PRKN: variants seen among roughly 807,000 people sequenced by gnomAD.
PRKN encodes the protein E3 ubiquitin-protein ligase parkin.
PRKN carries 56 observed loss-of-function variants against 59.5 expected under a neutral mutation model. That is an observed-to-expected ratio of 0.94 (90% confidence interval 0.76 to 1.18). PRKN has a LOEUF of 1.18. Among genes scored for constraint, PRKN ranks in the 50% most tolerant of loss-of-function variants. PRKN has a pLI of 0.00. For missense variants in PRKN, 657 were observed against 596.4 expected (o/e 1.10, Z -1.06); for synonymous variants, 250 against 222.1 (o/e 1.13, Z -1.12).
intron 6 of PRKN, among the ~76,000 whole-genome samples, chr6:161,969,726 G>A (rs1780729362): frequency 6.6e-6 from 1 of 152,098 alleles, no homozygotes; most frequent in Non-Finnish European, 1.5e-5. Context: ...TATATTTACA[G>A]ATAAATTAAT....
chr6:161,899,854 G>A (rs748852721), intron 6 of PRKN, among the ~76,000 whole-genome samples: 21 of 152,254 alleles, frequency 1.4e-4, no homozygotes, highest in Middle Eastern at 3.4e-3. Flanking sequence ...CGGGCCAGGC[G>A]GCTCTTGCCT....
chr6:161,511,399 C>T (rs972919661), intron 9 of PRKN, among the ~76,000 whole-genome samples: 7 of 152,066 alleles, frequency 4.6e-5, no homozygotes, highest in Non-Finnish European at 1.0e-4. Context: ...GAATATAAAC[C>T]GCACGAGGCC....
chr6:161,594,205 C>T (rs943305602), intron 7 of PRKN, among the ~76,000 whole-genome samples: 2 of 151,994 alleles, frequency 1.3e-5, no homozygotes, highest in Non-Finnish European at 2.9e-5. Context: ...GACTTCATGC[C>T]AAATCTATTT....
In PRKN at chr6:161,676,320, A is replaced by G. The variant is rs12663139; in HGVS notation, c.872-106904T>C. 2.2e-4 allele frequency among the ~76,000 whole-genome samples: 33 copies of G among 152,330 alleles called. No individual in the cohort carries two copies. In the East Asian group the frequency reaches 6.4e-3, roughly 29 times the overall value. On this transcript the variant is annotated intron_variant, in intron 7 of 11. Transcript: ENST00000366898. Reference sequence around the variant, plus strand: ...TTTGCATAATCTGATCTGGAGTTCAATAGATCAATGATTCAAGGTAAAGAA... The same window carrying G: ...TTTGCATAATCTGATCTGGAGTTCAGTAGATCAATGATTCAAGGTAAAGAA...
At chr6:162,237,410 T>C (rs1778784262) in intron 3 of PRKN, among the ~76,000 whole-genome samples, 1 of 152,184 alleles carries the variant, frequency 6.6e-6, no homozygotes, top group Non-Finnish European at 1.5e-5. Context: ...ATTTCTTGCT[T>C]TTCTTCTTCA....
intron 1 of PRKN, among the ~76,000 whole-genome samples, chr6:162,490,932 G>A (rs1031484270): frequency 6.6e-6 from 1 of 151,896 alleles, no homozygotes; most frequent in Non-Finnish European, 1.5e-5. Context: ...CCAGAAGCTC[G>A]AGGCCACCCT....
intron 3 of PRKN, among the ~76,000 whole-genome samples, chr6:162,202,239 C>T (rs1784760925): frequency 6.6e-6 from 1 of 151,840 alleles, no homozygotes; most frequent in Non-Finnish European, 1.5e-5. Flanking sequence ...TCTTCAGCCT[C>T]ACAAATGCAT....
At chr6:162,502,861 G>T (rs1258879296) in intron 1 of PRKN, among the ~76,000 whole-genome samples, 1 of 152,002 alleles carries the variant, frequency 6.6e-6, no homozygotes, top group East Asian at 1.9e-4. Context: ...AGCAGAACCA[G>T]TGTCTCTGGA....
At position 161,372,156 on chromosome 6, in the gene PRKN, G is replaced by C. The variant is rs1240571854; in HGVS notation, c.1168-11951C>G. Among the ~76,000 whole-genome samples, 1 of 152,172 alleles carries C rather than the reference G, an allele frequency of 6.6e-6. No homozygotes were observed. On this transcript the variant is annotated intron_variant, in intron 10 of 11. Coordinates refer to ENST00000366898, the MANE Select transcript of PRKN (RefSeq NM_004562.3). The surrounding 1 kb of genome is among the most constrained non-coding windows in gnomAD (Gnocchi z 4.2). Reference sequence around the variant, plus strand: ...ATATTAAGTAGCAGAATTATTAATAGGTACCATTTATTGGTTATTTTAAAA... The same window carrying C: ...ATATTAAGTAGCAGAATTATTAATACGTACCATTTATTGGTTATTTTAAAA...
rs1170603914 is a variant in PRKN, at chr6:161,456,777, A to C, written c.1084-69900T>G. Among the ~76,000 whole-genome samples the C allele has an allele frequency of 3.3e-5, 5 of 152,164 alleles. No homozygotes were observed. The highest frequency in any genetic ancestry group is 7.4e-5 in the Non-Finnish European group (5 of 68,024). ...CAGAGGGTGAAAGGGTCTGGGGTAC[A>C]TGCACATGACCCTTCCTCTTCCTCT... is the stretch of plus-strand genomic sequence containing the variant. On this transcript the variant is annotated intron_variant, in intron 9 of 11. Transcript: ENST00000366898. This position sits in a 1 kb window ranked among gnomAD's most constrained non-coding sequence, Gnocchi z 4.8.
At chr6:162,676,789 G>A (rs1213549394) in intron 1 of PRKN, among the ~76,000 whole-genome samples, 1 of 152,098 alleles carries the variant, frequency 6.6e-6, no homozygotes, top group Admixed American at 6.5e-5. Context: ...ATGGCTGGAC[G>A]CGGTGGCTCA....
chr6:161,676,010 T>C (rs1162075472), intron 7 of PRKN, among the ~76,000 whole-genome samples: 3 of 152,224 alleles, frequency 2.0e-5, no homozygotes, highest in African/African-American at 7.2e-5. Context: ...TCCAGTTTCC[T>C]GAATTATGTG....
chr6:162,090,102 A>G (rs960879994), intron 4 of PRKN, among the ~76,000 whole-genome samples: 3 of 152,180 alleles, frequency 2.0e-5, no homozygotes, highest in Admixed American at 6.6e-5. Flanking sequence ...CTTAGATTCC[A>G]TAAGCCAGCC....
In PRKN at chr6:161,390,740, C is replaced by T. The variant is rs562942817; in HGVS notation, c.1084-3863G>A. Among the ~76,000 whole-genome samples, 16 of 152,228 alleles carry T rather than the reference C, an allele frequency of 1.1e-4. No homozygotes were observed. Among genetic ancestry groups the T allele is most frequent in the Admixed American group, 6.5e-4 (10 of 15,294 alleles). ...CTGACCTCAGGTGATCCACCCGCCT[C>T]GGCCTCCCAAAGTGCTGGGATTACA... is the stretch of plus-strand genomic sequence containing the variant. On this transcript the variant is annotated intron_variant, in intron 9 of 11. Coordinates refer to ENST00000366898, the MANE Select transcript of PRKN (RefSeq NM_004562.3). This position sits in a 1 kb window ranked among gnomAD's most constrained non-coding sequence, Gnocchi z 7.0.
intron 6 of PRKN, among the ~76,000 whole-genome samples, chr6:161,829,497 A>G (rs1022399352): frequency 1.3e-5 from 2 of 152,152 alleles, no homozygotes; most frequent in African/African-American, 4.8e-5. Context: ...TCTGAGGATC[A>G]GACAAGCGGG....
intron 1 of PRKN, among the ~76,000 whole-genome samples, chr6:162,520,790 C>A (rs1188129817): frequency 6.7e-6 from 1 of 149,680 alleles, no homozygotes; most frequent in South Asian, 2.2e-4. Flanking sequence ...ATGTCTAAGG[C>A]CCTTAGTTTA....
At chr6:161,392,160 A>T (rs965108265) in intron 9 of PRKN, among the ~76,000 whole-genome samples, 1 of 151,838 alleles carries the variant, frequency 6.6e-6, no homozygotes, top group African/African-American at 2.4e-5. Context: ...GCTGGTCTCG[A>T]ACCCTGACCT....
intron 4 of PRKN, among the ~76,000 whole-genome samples, chr6:162,180,610 G>A (rs147345155): frequency 3.2e-3 from 483 of 152,220 alleles, no homozygotes; most frequent in African/African-American, 0.011. Flanking sequence ...AATCCCAAAC[G>A]AATCTTTTCT....
intron 4 of PRKN, among the ~76,000 whole-genome samples, chr6:162,075,813 T>A (rs1340117013): frequency 6.6e-6 from 1 of 152,044 alleles, no homozygotes; most frequent in Non-Finnish European, 1.5e-5. Context: ...CGAGCAGGCT[T>A]CCAATCATCT....
Sources: allele counts gnomAD v4.1 joint callset (sites outside exome capture counted in the v4.1 genomes callset), GRCh38; gene constraint gnomAD v4.1.1; non-coding constraint Gnocchi (gnomAD v3.1); transcripts MANE v1.5; gene names NCBI Gene and HGNC (gene_info 2026-07-23, HGNC 2026-07-21).